Variants in CHMP2B observed in about 807,000 individuals in gnomAD.
The protein encoded by CHMP2B is charged multivesicular body protein 2B, also known as VPS2 homolog B.
A neutral mutation model predicts 29.8 loss-of-function variants in CHMP2B; 22 were observed. The observed-to-expected ratio is 0.74, with a 90% CI of 0.53 to 1.05. The LOEUF is 1.05. Ranked by LOEUF, CHMP2B falls within the 50% of genes least tolerant of loss-of-function variation. The pLI is 0.00. For missense variants in CHMP2B, 261 were observed against 252.2 expected (o/e 1.03, Z -0.24); for synonymous variants, 78 against 75.8 (o/e 1.03, Z -0.15).
chr3:87,244,963 A>C (rs973556422), intron 2 of CHMP2B, among the ~76,000 whole-genome samples: 1 of 152,056 alleles, frequency 6.6e-6, no homozygotes, highest in Non-Finnish European at 1.5e-5. Context: ...TTCTCCTTTC[A>C]GTTCTGTCCA....
In CHMP2B at chr3:87,255,338, C is replaced by T. The variant is rs1024508536; in HGVS notation, c.*1516C>T. ...ACAGTGATGGGTGAAAACATTTTAC[C>T]GGATTATGGAATGTTTACCAGAACA... On this transcript the variant is annotated 3_prime_UTR_variant, in exon 6 of 6. Transcript: ENST00000263780. 6.6e-5 allele frequency: 10 copies of T among 152,112 alleles called. No individual in the cohort carries two copies. Among genetic ancestry groups the T allele is most frequent in the Admixed American group, 6.6e-5 (1 of 15,202 alleles). 9.4% of individuals were successfully genotyped at this position (152,112 alleles called of 1,614,324 possible). A position where few individuals can be genotyped will look rare whatever the true frequency, so the allele number is the denominator to read the frequency against.
chr3:87,247,507 A>G (rs954823141), intron 3 of CHMP2B, among the ~76,000 whole-genome samples: 2 of 152,212 alleles, frequency 1.3e-5, no homozygotes, highest in African/African-American at 4.8e-5. Flanking sequence ...TGGAAAGGAC[A>G]CTTAATTTGC....
chr3:87,243,589 T>TAG (rs1706160859), intron 2 of CHMP2B, among the ~76,000 whole-genome samples: 1 of 152,280 alleles, frequency 6.6e-6, no homozygotes, highest in African/African-American at 2.4e-5. Flanking sequence ...AAATGTGTGA[T>TAG]AGGATTCATC....
At chr3:87,251,885 T>C (rs1388760363) in intron 4 of CHMP2B, among the ~76,000 whole-genome samples, 1 of 151,818 alleles carries the variant, frequency 6.6e-6, no homozygotes, top group African/African-American at 2.4e-5. Flanking sequence ...CTTATACTTA[T>C]AAACTCTGCA....
At chr3:87,250,344 T>A (rs1377936386) in intron 4 of CHMP2B, among the ~76,000 whole-genome samples, 2 of 151,958 alleles carry the variant, frequency 1.3e-5, no homozygotes, top group Non-Finnish European at 2.9e-5. Flanking sequence ...TATTCTCACT[T>A]TTTTTCCCTC....
chr3:87,231,847 T>G lies in CHMP2B; in HGVS notation c.34+4291T>G, dbSNP rs3804600. 3.9e-5 allele frequency among the ~76,000 whole-genome samples: 6 copies of G among 152,264 alleles called. No homozygotes were observed. In the East Asian group the frequency reaches 1.2e-3, roughly 29 times the overall value. Reference sequence around the variant, plus strand: ...TCTCAAAGTCTCTATGAAGTACTCCTTATGTTCCCCTTTTGTGGCATTTCT... The same window carrying G: ...TCTCAAAGTCTCTATGAAGTACTCCGTATGTTCCCCTTTTGTGGCATTTCT... On this transcript the variant is annotated intron_variant, in intron 1 of 5. Coordinates refer to ENST00000263780, the MANE Select transcript of CHMP2B (RefSeq NM_014043.4).
intron 1 of CHMP2B, among the ~76,000 whole-genome samples, chr3:87,237,578 C>T (rs182589854): frequency 1.8e-4 from 27 of 152,296 alleles, no homozygotes; most frequent in African/African-American, 6.3e-4. Flanking sequence ...TGTTCCAATC[C>T]ATGCTCTAGG....
chr3:87,249,205 G>T (rs1257908418), intron 3 of CHMP2B, among the ~76,000 whole-genome samples: 1 of 152,052 alleles, frequency 6.6e-6, no homozygotes, highest in Non-Finnish European at 1.5e-5. Context: ...CATAAGAAAG[G>T]TATAGTAAAA....
At chr3:87,230,882 G>T (rs1682692580) in intron 1 of CHMP2B, among the ~76,000 whole-genome samples, 1 of 152,048 alleles carries the variant, frequency 6.6e-6, no homozygotes, top group African/African-American at 2.4e-5. Flanking sequence ...TTTTGCATTT[G>T]ATCCTGATAA....
intron 4 of CHMP2B, among the ~76,000 whole-genome samples, chr3:87,251,427 A>T (rs187413614): frequency 2.0e-5 from 3 of 152,024 alleles, no homozygotes; most frequent in Non-Finnish European, 4.4e-5. Flanking sequence ...CCATTAAGCT[A>T]TAATGAAAAG....
intron 2 of CHMP2B, 49 bp from the exon 3 acceptor site, chr3:87,245,665 C>T (rs373046970): frequency 2.2e-4 from 311 of 1,443,082 alleles, no homozygotes; most frequent in Admixed American, 3.1e-4. Context: ...AAATTATTGA[C>T]GACTACCCTT....
Position 87,245,844 on chromosome 3 carries a change from C to G in CHMP2B, c.257C>G (p.Ser86Cys), listed in dbSNP as rs778194183. ...GTAAGTTCAAAAGTTACTTCTATGT[C>G]TACACAAACAAAAGTGATGAATTCC... ...FAVSSKVTSM[S>C]TQTKVMNSQM... The change falls in exon 3 of 6, where the codon TCT becomes TGT. Residue 86 changes from serine (S) to cysteine (C), a missense_variant. Physicochemically the swap from Ser to Cys is moderately radical, Grantham distance 112 (BLOSUM62 -1). Coordinates refer to ENST00000263780, the MANE Select transcript of CHMP2B (RefSeq NM_014043.4). 6.2e-7 allele frequency: 1 copy of G among 1,613,626 alleles called. No individual in the cohort carries two copies. Among genetic ancestry groups the G allele is most frequent in the Non-Finnish European group, 8.5e-7 (1 of 1,179,810 alleles).
At chr3:87,232,661 A>T (rs1285676196) in intron 1 of CHMP2B, among the ~76,000 whole-genome samples, 2 of 152,286 alleles carry the variant, frequency 1.3e-5, no homozygotes, top group East Asian at 3.9e-4. Context: ...GACAACAAAG[A>T]CAGACATTTC....
intron 1 of CHMP2B, among the ~76,000 whole-genome samples, chr3:87,237,217 G>T (rs548278929): frequency 1.3e-5 from 2 of 152,224 alleles, no homozygotes; most frequent in Admixed American, 1.3e-4. Context: ...GGGCTGAATT[G>T]TCCCCCCTGC....
chr3:87,236,385 C>T (rs1031560873), intron 1 of CHMP2B, among the ~76,000 whole-genome samples: 3 of 152,010 alleles, frequency 2.0e-5, no homozygotes, highest in East Asian at 1.9e-4. Context: ...AGGATGAAGA[C>T]CACATTTATA....
intron 4 of CHMP2B, among the ~76,000 whole-genome samples, chr3:87,252,530 C>T (rs973015374): frequency 1.3e-5 from 2 of 151,832 alleles, no homozygotes; most frequent in Non-Finnish European, 2.9e-5. Flanking sequence ...CCTACGTATC[C>T]TTGCCAGATT....
At chr3:87,248,386 C>T (rs943205614) in intron 3 of CHMP2B, among the ~76,000 whole-genome samples, 1 of 151,602 alleles carries the variant, frequency 6.6e-6, no homozygotes, top group Non-Finnish European at 1.5e-5. Flanking sequence ...TTGAGACAGT[C>T]TCGCTCTGTT....
In CHMP2B at chr3:87,245,771, G is replaced by T; in HGVS notation, c.184G>T (p.Ala62Ser). The change falls in exon 3 of 6, where the codon GCC becomes TCC. Residue 62 changes from alanine (A) to serine (S), a missense_variant. Transcript: ENST00000263780. ...IGNKEACKVLAKQLVHLRKQK... is the reference protein window; with the variant it reads ...IGNKEACKVLSKQLVHLRKQK... ...TAATAAGGAAGCTTGCAAAGTTTTA[G>T]CCAAACAACTTGTGCATCTACGGAA... 6.2e-7 allele frequency: 1 copy of T among 1,613,796 alleles called. No homozygotes were observed. Among genetic ancestry groups the T allele is most frequent in the Non-Finnish European group, 8.5e-7 (1 of 1,179,912 alleles).
At chr3:87,234,386 G>T (rs778903245) in intron 1 of CHMP2B, among the ~76,000 whole-genome samples, 1 of 152,146 alleles carries the variant, frequency 6.6e-6, no homozygotes, top group Non-Finnish European at 1.5e-5. Flanking sequence ...TTAAGTCCAA[G>T]ACTTAAGTCT....
Sources: gnomAD v4.1 joint callset for allele counts (sites outside exome capture counted in the v4.1 genomes callset) on GRCh38, gnomAD v4.1.1 for gene constraint, MANE v1.5 for transcripts, NCBI Gene and HGNC (gene_info 2026-07-23, HGNC 2026-07-21) for gene names.